GALNTL6: variants seen among roughly 807,000 people sequenced by gnomAD.
The protein encoded by GALNTL6 is polypeptide N-acetylgalactosaminyltransferase like 6, also known as polypeptide N-acetylgalactosaminyltransferase-like 6.
Under a neutral mutation model 73.7 loss-of-function variants are expected in GALNTL6, and 46 were observed. The observed-to-expected ratio is 0.62, with a 90% CI of 0.49 to 0.80. The LOEUF is 0.80. Among genes scored for constraint, GALNTL6 ranks in the 30% least tolerant of loss-of-function variants. The pLI, the probability that GALNTL6 is intolerant of heterozygous loss-of-function variation, is 0.00. For missense variants in GALNTL6, 604 were observed against 755.0 expected (o/e 0.80, Z 2.34); for synonymous variants, 259 against 263.7 (o/e 0.98, Z 0.17).
chr4:172,755,980 G>T (rs544252166), intron 5 of GALNTL6, among the ~76,000 whole-genome samples: 1 of 152,274 alleles, frequency 6.6e-6, no homozygotes, highest in South Asian at 2.1e-4. Context: ...GTACCAACGT[G>T]AAAGCAAAAG....
chr4:172,045,807 T>A (rs1742203414), intron 2 of GALNTL6, among the ~76,000 whole-genome samples: 1 of 151,810 alleles, frequency 6.6e-6, no homozygotes, highest in Non-Finnish European at 1.5e-5. Flanking sequence ...ATTCCTCCCA[T>A]GTAACTGAGA....
chr4:171,830,685 T>G (rs1734945482), intron 2 of GALNTL6, among the ~76,000 whole-genome samples: 1 of 152,182 alleles, frequency 6.6e-6, no homozygotes, highest in African/African-American at 2.4e-5. Context: ...TGACTGATCT[T>G]GATACTGAAC....
chr4:171,938,161 G>A (rs937353273), intron 2 of GALNTL6, among the ~76,000 whole-genome samples: 1 of 152,060 alleles, frequency 6.6e-6, no homozygotes, highest in African/African-American at 2.4e-5. Flanking sequence ...AAAGGTTCAT[G>A]CTGTAGAAAT....
intron 2 of GALNTL6, among the ~76,000 whole-genome samples, chr4:172,000,572 C>T (rs1015418168): frequency 1.3e-5 from 2 of 152,126 alleles, no homozygotes; most frequent in Non-Finnish European, 2.9e-5. Context: ...GCTGTCTGTG[C>T]TCTGTGCATA....
chr4:172,515,143 T>A (rs912914433), intron 5 of GALNTL6, among the ~76,000 whole-genome samples: 11 of 152,260 alleles, frequency 7.2e-5, no homozygotes, highest in African/African-American at 2.7e-4. Context: ...TTGTAATTAT[T>A]TCTTTACAGT....
intron 5 of GALNTL6, among the ~76,000 whole-genome samples, chr4:172,670,598 G>A (rs1426126759): frequency 3.3e-5 from 5 of 151,792 alleles, no homozygotes; most frequent in African/African-American, 1.2e-4. Context: ...CATTCCATAG[G>A]TTGTCTGTTC....
intron 5 of GALNTL6, among the ~76,000 whole-genome samples, chr4:172,413,398 A>G (rs959532758): frequency 6.6e-6 from 1 of 152,244 alleles, no homozygotes; most frequent in Non-Finnish European, 1.5e-5. Flanking sequence ...AACGTAACAT[A>G]AAAATTGGGT....
intron 5 of GALNTL6, among the ~76,000 whole-genome samples, chr4:172,490,145 G>A (rs1242128749): frequency 6.6e-6 from 1 of 152,078 alleles, no homozygotes; most frequent in Non-Finnish European, 1.5e-5. Context: ...AAACTCCATG[G>A]TTTCCCACTG....
intron 4 of GALNTL6, among the ~76,000 whole-genome samples, chr4:172,319,487 C>T (rs1561024267): frequency 6.6e-6 from 1 of 152,026 alleles, no homozygotes; most frequent in Non-Finnish European, 1.5e-5. Flanking sequence ...TAAATGTGCA[C>T]CTAAAAACTA....
At chr4:172,446,603 A>G (rs1300129376) in intron 5 of GALNTL6, among the ~76,000 whole-genome samples, 1 of 152,204 alleles carries the variant, frequency 6.6e-6, no homozygotes, top group East Asian at 1.9e-4. Context: ...CTGGCTTACT[A>G]GAAGGCTTTA....
intron 5 of GALNTL6, among the ~76,000 whole-genome samples, chr4:172,703,053 A>T (rs1734120816): frequency 6.6e-6 from 1 of 151,846 alleles, no homozygotes; most frequent in South Asian, 2.1e-4. Flanking sequence ...GCTTTTATTT[A>T]TTTATTTTTA....
At chr4:172,657,975 C>T (rs1341499459) in intron 5 of GALNTL6, among the ~76,000 whole-genome samples, 1 of 148,138 alleles carries the variant, frequency 6.8e-6, no homozygotes, top group Admixed American at 6.8e-5. Context: ...ACGGTGAAAC[C>T]CCGTCTCTAC....
In GALNTL6 at chr4:172,916,730, G is replaced by T. The variant is rs185133752; in HGVS notation, c.1042-14431G>T. On this transcript the variant is annotated intron_variant, in intron 8 of 12. Coordinates refer to ENST00000506823, the MANE Select transcript of GALNTL6 (RefSeq NM_001034845.3). ...GTTTCAAGGAGAACTACAAACCACTGCTCAATGAAATAAAAGAGGACACAA... is the reference window on the plus strand; with the variant it reads ...GTTTCAAGGAGAACTACAAACCACTTCTCAATGAAATAAAAGAGGACACAA... Among the ~76,000 whole-genome samples the T allele has an allele frequency of 2.1e-3, 324 of 152,108 alleles. 3 individuals are homozygous for T. The highest frequency in any genetic ancestry group is 7.1e-3 in the African/African-American group (295 of 41,436).
At chr4:172,108,272 AAG>A (rs1302817670) in intron 2 of GALNTL6, among the ~76,000 whole-genome samples, 2 of 152,210 alleles carry the variant, frequency 1.3e-5, no homozygotes, top group Non-Finnish European at 2.9e-5. Context: ...CAGAATAAGA[AAG>A]AGAAGAAAAG....
At chr4:172,606,079 C>G (rs1391996339) in intron 5 of GALNTL6, among the ~76,000 whole-genome samples, 3 of 152,008 alleles carry the variant, frequency 2.0e-5, no homozygotes, top group Non-Finnish European at 4.4e-5. Context: ...CCTTCTGCGT[C>G]TATCATAAAG....
intron 2 of GALNTL6, among the ~76,000 whole-genome samples, chr4:171,932,801 G>A (rs746906953): frequency 6.6e-6 from 1 of 152,100 alleles, no homozygotes; most frequent in Non-Finnish European, 1.5e-5. Flanking sequence ...TTTATACATA[G>A]CAACACAAAT....
chr4:172,554,397 A>C (rs1374256022), intron 5 of GALNTL6, among the ~76,000 whole-genome samples: 1 of 152,220 alleles, frequency 6.6e-6, no homozygotes, highest in Admixed American at 6.5e-5. Flanking sequence ...CTCAAATCAT[A>C]AAACTTTTTG....
chr4:172,446,623 G>A (rs779617198), intron 5 of GALNTL6, among the ~76,000 whole-genome samples: 3 of 152,146 alleles, frequency 2.0e-5, no homozygotes, highest in Non-Finnish European at 2.9e-5. Flanking sequence ...ATATGACAGA[G>A]TGTGTAGGAA....
chr4:172,900,159 T>C (rs1460323854), intron 8 of GALNTL6, among the ~76,000 whole-genome samples: 2 of 152,330 alleles, frequency 1.3e-5, no homozygotes, highest in East Asian at 1.9e-4. Flanking sequence ...ACACACCAGA[T>C]GCTGAGCTGA....
Sources: gnomAD v4.1 joint callset for allele counts (sites outside exome capture counted in the v4.1 genomes callset) on GRCh38, gnomAD v4.1.1 for gene constraint, MANE v1.5 for transcripts, NCBI Gene and HGNC (gene_info 2026-07-23, HGNC 2026-07-21) for gene names.